The following DLGAP1 variants were observed in gnomAD, a reference collection of about 807,000 sequenced individuals.
The protein encoded by DLGAP1 is disks large-associated protein 1.
In DLGAP1, 11 loss-of-function variants were observed where a neutral mutation model predicts 90.8. That is an observed-to-expected ratio of 0.12 (90% CI 0.08 to 0.20). DLGAP1 has a LOEUF of 0.20. Among genes scored for constraint, DLGAP1 ranks in the 10% least tolerant of loss-of-function variants. DLGAP1 has a pLI of 1.00. For synonymous variants in DLGAP1, 558 were observed against 540.7 expected (o/e 1.03, Z -0.44); for missense variants, 1,050 against 1,333.8 (o/e 0.79, Z 3.31).
chr18:4,190,821 C>T lies in DLGAP1; in HGVS notation c.-266-39534G>A, dbSNP rs73941275. On this transcript the variant is annotated intron_variant, in intron 1 of 12. Transcript: ENST00000315677. ...TTTCTGTCCACATAAGTTCCAAGGA[C>T]TATAATATAGTTTTTTTCTCTTTAA... 6.8e-3 allele frequency among the ~76,000 whole-genome samples: 1,032 copies of T among 151,906 alleles called. 19 individuals carry two copies. Among genetic ancestry groups the T allele is most frequent in the African/African-American group, 0.024 (980 of 41,304 alleles).
At chr18:4,290,171 G>A (rs2079810791) in intron 1 of DLGAP1, among the ~76,000 whole-genome samples, 1 of 152,214 alleles carries the variant, frequency 6.6e-6, no homozygotes, top group African/African-American at 2.4e-5. Flanking sequence ...GAAGATGAAT[G>A]TGACCATTTC....
chr18:3,831,061 C>G (rs2043571417), intron 4 of DLGAP1, among the ~76,000 whole-genome samples: 1 of 152,234 alleles, frequency 6.6e-6, no homozygotes, highest in South Asian at 2.1e-4. Context: ...TGGAGGAACA[C>G]ATCTCCGTGC....
At chr18:4,101,343 C>G (rs144039372) in intron 2 of DLGAP1, among the ~76,000 whole-genome samples, 2 of 152,254 alleles carry the variant, frequency 1.3e-5, no homozygotes, top group African/African-American at 4.8e-5. Context: ...CGAACACACA[C>G]ACTTATTGAT....
chr18:4,175,900 G>T (rs913331563), intron 1 of DLGAP1, among the ~76,000 whole-genome samples: 2 of 152,104 alleles, frequency 1.3e-5, no homozygotes, highest in Admixed American at 1.3e-4. Flanking sequence ...GGATTGTCTT[G>T]GCTGTATGGG....
intron 2 of DLGAP1, among the ~76,000 whole-genome samples, chr18:4,090,191 G>C (rs964896428): frequency 6.6e-5 from 10 of 152,178 alleles, no homozygotes; most frequent in Non-Finnish European, 1.0e-4. Context: ...GCACGGGCAA[G>C]TATTTCATGA....
rs1371505923 is a variant in DLGAP1, at chr18:4,139,814, T to C, written c.-159+11366A>G. ...CCAGTGTTGGGTGTAAGTGTATTTA[T>C]AATCATTACATCCTCTTGCTGAATT... On this transcript the variant is annotated intron_variant, in intron 2 of 12. Transcript: ENST00000315677. Among the ~76,000 whole-genome samples, 4 of 152,114 alleles carry C rather than the reference T, an allele frequency of 2.6e-5. No homozygotes were observed. The East Asian group carries it at 7.7e-4, about 29-fold the overall frequency.
At chr18:4,326,096 ATT>A (rs1425910669) in intron 1 of DLGAP1, among the ~76,000 whole-genome samples, 2 of 152,226 alleles carry the variant, frequency 1.3e-5, no homozygotes, top group Non-Finnish European at 2.9e-5. Context: ...GGGAGAAAAT[ATT>A]TGCAAACTAT....
At chr18:3,742,969 C>A (rs2063120379) in intron 5 of DLGAP1, among the ~76,000 whole-genome samples, 1 of 150,952 alleles carries the variant, frequency 6.6e-6, no homozygotes. Context: ...TTCCTTCCTT[C>A]CTTCCTTCCT....
intron 1 of DLGAP1, among the ~76,000 whole-genome samples, chr18:4,288,158 A>G (rs948072531): frequency 6.6e-6 from 1 of 152,148 alleles, no homozygotes; most frequent in Non-Finnish European, 1.5e-5. Flanking sequence ...GGTGCACTGC[A>G]CCCACTAACT....
At chr18:3,892,133 A>G (rs1405203462) in intron 3 of DLGAP1, 1 of 122,382 alleles carries the variant, frequency 8.2e-6, no homozygotes, top group Non-Finnish European at 1.6e-5. Context: ...ACACACACAC[A>G]CACACACACA....
rs1029720292 is a variant in DLGAP1, at chr18:4,366,820, A to G, written c.-267+88186T>C. Among the ~76,000 whole-genome samples the G allele has an allele frequency of 7.2e-5, 11 of 152,076 alleles. 1 individual carries two copies. The East Asian group carries it at 7.7e-4, about 11-fold the overall frequency. On this transcript the variant is annotated intron_variant, in intron 1 of 12. Coordinates refer to ENST00000315677, the MANE Select transcript of DLGAP1 (RefSeq NM_004746.4). ...AGAATGCAAGAAACATTTCTAGAGCATATCTAGAGGCTGTATCCAAAAAAT... is the reference window on the plus strand; with the variant it reads ...AGAATGCAAGAAACATTTCTAGAGCGTATCTAGAGGCTGTATCCAAAAAAT...
chr18:4,369,548 C>A lies in DLGAP1; in HGVS notation c.-267+85458G>T, dbSNP rs558843837. 2.5e-3 allele frequency among the ~76,000 whole-genome samples: 382 copies of A among 152,010 alleles called. 1 individual carries two copies. Among genetic ancestry groups the A allele is most frequent in the African/African-American group, 8.9e-3 (367 of 41,442 alleles). On this transcript the variant is annotated intron_variant, in intron 1 of 12. Coordinates refer to ENST00000315677, the MANE Select transcript of DLGAP1 (RefSeq NM_004746.4). ...AATCTAAGGACCTTGTCTTATTCTT[C>A]CTGCACCTAAATTAAAATACCTACT...
At chr18:4,037,229 A>G (rs1366505398) in intron 2 of DLGAP1, among the ~76,000 whole-genome samples, 3 of 152,202 alleles carry the variant, frequency 2.0e-5, no homozygotes, top group East Asian at 1.9e-4. Context: ...TTTGCAAAGT[A>G]TATCATTCCG....
At chr18:4,053,030 G>A (rs1339141008) in intron 2 of DLGAP1, among the ~76,000 whole-genome samples, 1 of 152,088 alleles carries the variant, frequency 6.6e-6, no homozygotes, top group Admixed American at 6.5e-5. Flanking sequence ...ACATTTTCCT[G>A]TCTTCTGAGT....
chr18:4,052,913 CTCATCTCCA>C (rs1046558463), intron 2 of DLGAP1, among the ~76,000 whole-genome samples: 13 of 152,280 alleles, frequency 8.5e-5, no homozygotes, highest in African/African-American at 3.1e-4. Flanking sequence ...GCTCCAGTTC[CTCATCTCCA>C]TCTGAGACCA....
At chr18:3,609,633 C>T (rs187850681) in intron 7 of DLGAP1, among the ~76,000 whole-genome samples, 10 of 152,216 alleles carry the variant, frequency 6.6e-5, no homozygotes, top group Middle Eastern at 3.4e-3. Context: ...TAGTGTGATG[C>T]GGTGAGCGAA....
chr18:3,648,492 G>GT (rs2059194772), intron 7 of DLGAP1, among the ~76,000 whole-genome samples: 1 of 152,208 alleles, frequency 6.6e-6, no homozygotes, highest in Non-Finnish European at 1.5e-5. Flanking sequence ...GATTTCAGCA[G>GT]TTGTCTACAT....
chr18:3,894,954 T>C (rs2071577660), intron 3 of DLGAP1: 1 of 152,182 alleles, frequency 6.6e-6, no homozygotes, highest in Admixed American at 6.5e-5. Flanking sequence ...GCCACTAGCT[T>C]ATGTAAGGGA....
At chr18:4,166,675 T>C (rs1285445112) in intron 1 of DLGAP1, among the ~76,000 whole-genome samples, 2 of 152,176 alleles carry the variant, frequency 1.3e-5, no homozygotes, top group Non-Finnish European at 2.9e-5. Context: ...AACAGATAAA[T>C]GAATGAACAA....
Sources: allele counts gnomAD v4.1 joint callset (sites outside exome capture counted in the v4.1 genomes callset), GRCh38; gene constraint gnomAD v4.1.1; transcripts MANE v1.5; gene names NCBI Gene and HGNC (gene_info 2026-07-23, HGNC 2026-07-21).